RARB: variants seen among roughly 807,000 people sequenced by gnomAD.
RARB encodes the protein retinoic acid receptor beta, also known as HBV-activated protein.
RARB carries 17 observed loss-of-function variants against 51.9 expected under a neutral mutation model. The observed-to-expected ratio is 0.33, with a 90% CI of 0.22 to 0.49. RARB has a LOEUF of 0.49. RARB is among the 20% of genes least tolerant of loss of function. RARB has a pLI of 0.99. For synonymous variants in RARB, 215 were observed against 195.4 expected (o/e 1.10, Z -0.84); for missense variants, 369 against 550.8 (o/e 0.67, Z 3.30).
chr3:25,157,231 T>C (rs1248849136), intron 4 of RARB, among the ~76,000 whole-genome samples: 1 of 152,142 alleles, frequency 6.6e-6, no homozygotes, highest in African/African-American at 2.4e-5. Context: ...GGCTTAAACA[T>C]GCTTAAACTT....
At chr3:24,959,005 G>T (rs1696082493) in intron 2 of RARB, among the ~76,000 whole-genome samples, 1 of 152,184 alleles carries the variant, frequency 6.6e-6, no homozygotes, top group South Asian at 2.1e-4. Context: ...GCATCAGCAG[G>T]AGCAAAACTC....
intron 5 of RARB, among the ~76,000 whole-genome samples, chr3:25,582,450 C>T (rs917495122): frequency 1.3e-5 from 2 of 151,952 alleles, no homozygotes; most frequent in African/African-American, 4.8e-5. Context: ...CTTCCCAGGC[C>T]TCAGGCTCTG....
chr3:24,849,191 C>T (rs193042879), intron 1 of RARB, among the ~76,000 whole-genome samples: 1 of 152,056 alleles, frequency 6.6e-6, no homozygotes, highest in Admixed American at 6.5e-5. Context: ...TAAAAATAAG[C>T]AATTATAACA....
intron 1 of RARB, among the ~76,000 whole-genome samples, chr3:24,858,162 T>A (rs1220524941): frequency 6.6e-6 from 1 of 152,222 alleles, no homozygotes; most frequent in East Asian, 1.9e-4. Context: ...TGGAGGTGTC[T>A]CTCAGTAGAC....
At chr3:25,368,224 G>A (rs901102354) in intron 5 of RARB, among the ~76,000 whole-genome samples, 2 of 152,036 alleles carry the variant, frequency 1.3e-5, no homozygotes, top group African/African-American at 4.8e-5. Context: ...ATCCAAATTT[G>A]TTTATTGGTT....
chr3:25,376,524 G>A (rs763871155), intron 5 of RARB, among the ~76,000 whole-genome samples: 3 of 152,126 alleles, frequency 2.0e-5, no homozygotes, highest in Non-Finnish European at 4.4e-5. Context: ...TACGATACAC[G>A]TGCCATTCCT....
chr3:25,067,419 A>T (rs1401517815), intron 3 of RARB, among the ~76,000 whole-genome samples: 2 of 152,224 alleles, frequency 1.3e-5, no homozygotes, highest in Non-Finnish European at 2.9e-5. Flanking sequence ...TGGTTCAGAC[A>T]TTGACAAGAG....
At chr3:25,262,314 T>A (rs1355036637) in intron 5 of RARB, among the ~76,000 whole-genome samples, 1 of 152,120 alleles carries the variant, frequency 6.6e-6, no homozygotes, top group Non-Finnish European at 1.5e-5. Context: ...CTCCTCCCCA[T>A]CACTCCTCTC....
intron 5 of RARB, among the ~76,000 whole-genome samples, chr3:25,238,621 A>C (rs1162923723): frequency 6.6e-6 from 1 of 152,168 alleles, no homozygotes; most frequent in Non-Finnish European, 1.5e-5. Context: ...TTACATCCCC[A>C]CCAATGGTGT....
At chr3:24,965,172 T>C (rs1362120960) in intron 2 of RARB, among the ~76,000 whole-genome samples, 1 of 152,160 alleles carries the variant, frequency 6.6e-6, no homozygotes, top group African/African-American at 2.4e-5. Context: ...TCATCATGTG[T>C]GGAGTTCTTA....
chr3:24,829,502 G>C (rs1177666538), intron 1 of RARB, among the ~76,000 whole-genome samples: 1 of 152,168 alleles, frequency 6.6e-6, no homozygotes, highest in African/African-American at 2.4e-5. Flanking sequence ...GGAAGACCAG[G>C]GCATTTGCAT....
intron 3 of RARB, among the ~76,000 whole-genome samples, chr3:25,533,799 A>G (rs991260232): frequency 1.3e-5 from 2 of 152,256 alleles, no homozygotes; most frequent in African/African-American, 4.8e-5. Context: ...TAAGTTTTAA[A>G]TTATGTAATT....
intron 3 of RARB, among the ~76,000 whole-genome samples, chr3:25,545,135 G>A (rs1451556997): frequency 1.3e-5 from 2 of 151,994 alleles, no homozygotes; most frequent in African/African-American, 4.8e-5. Context: ...AGTAGAGATG[G>A]GGTTTTACCA....
intron 5 of RARB, among the ~76,000 whole-genome samples, chr3:25,260,760 G>A (rs1702979086): frequency 1.3e-5 from 2 of 152,126 alleles, no homozygotes; most frequent in South Asian, 4.1e-4. Flanking sequence ...TCAGCCTGAT[G>A]TCACCCATTC....
intron 5 of RARB, among the ~76,000 whole-genome samples, chr3:25,225,961 A>G: frequency 6.6e-6 from 1 of 152,188 alleles, no homozygotes; most frequent in East Asian, 1.9e-4. Context: ...ATTATCCCTA[A>G]AATCAGAAAA....
intron 5 of RARB, among the ~76,000 whole-genome samples, chr3:25,199,553 T>G (rs917717750): frequency 6.6e-6 from 1 of 152,106 alleles, no homozygotes; most frequent in Non-Finnish European, 1.5e-5. Context: ...GCTGCACCCA[T>G]TAACTTGTCA....
chr3:25,188,485 A>G (rs1390017995), intron 5 of RARB, among the ~76,000 whole-genome samples: 3 of 152,172 alleles, frequency 2.0e-5, no homozygotes, highest in East Asian at 1.9e-4. Flanking sequence ...TCAGAGGTTT[A>G]TTAGCATTTT....
At chr3:25,328,706 G>A (rs1704800139) in intron 5 of RARB, among the ~76,000 whole-genome samples, 1 of 152,140 alleles carries the variant, frequency 6.6e-6, no homozygotes, top group Non-Finnish European at 1.5e-5. Context: ...CATGGAACAT[G>A]AGCCAAAGCA....
intron 5 of RARB, among the ~76,000 whole-genome samples, chr3:25,323,018 G>A (rs1202582451): frequency 6.6e-6 from 1 of 152,150 alleles, no homozygotes; most frequent in East Asian, 1.9e-4. Flanking sequence ...CACATTACTG[G>A]GGTCAGAGGA....
Sources: gnomAD v4.1 joint callset for allele counts (sites outside exome capture counted in the v4.1 genomes callset) on GRCh38, gnomAD v4.1.1 for gene constraint, MANE v1.5 for transcripts, NCBI Gene and HGNC (gene_info 2026-07-23, HGNC 2026-07-21) for gene names.